TAF5: variants seen among roughly 807,000 people sequenced by gnomAD.
TAF5 encodes the protein transcription initiation factor TFIID subunit 5.
TAF5 carries 20 observed loss-of-function variants against 80.9 expected under a neutral mutation model. The observed-to-expected ratio is 0.25, with a 90% CI of 0.17 to 0.36. TAF5 has a LOEUF of 0.36. Among genes scored for constraint, TAF5 ranks in the 10% least tolerant of loss-of-function variants. The probability of loss-of-function intolerance (pLI) is 1.00; values close to 1 mark genes in which losing one functional copy is unlikely to be tolerated. For synonymous variants in TAF5, 388 were observed against 406.4 expected, an observed-to-expected ratio of 0.95 and a Z score of 0.55; for missense variants, 863 against 1,029.4, an observed-to-expected ratio of 0.84 and a Z score of 2.21.
Position 103,385,344 on chromosome 10 carries a change from T to C in TAF5, c.1683T>C (p.Ser561=). The C allele has an allele frequency of 1.9e-6, 3 of 1,611,148 alleles. No individual in the cohort carries two copies. Among genetic ancestry groups the C allele is most frequent in the Non-Finnish European group, 2.5e-6 (3 of 1,177,588 alleles). ...FSPDRNYLLS[S]SEDGTVRLWS... is the part of the protein sequence containing the mutation. ...CTCTCAGGAACTATCTGCTTTCCTC[T>C]TCAGAGGACGGAACTGTTAGATTGT... The change falls in exon 8 of 11, where the codon TCT becomes TCC. Residue 561 remains serine, a synonymous_variant. Transcript: ENST00000369839.
chr10:103,387,792 C>T (rs2093400812), intron 10 of TAF5, 94 bp downstream of exon 10: 3 of 1,329,860 alleles, frequency 2.3e-6, no homozygotes, highest in African/African-American at 1.5e-5. Flanking sequence ...TTAGGTTTTA[C>T]TTCCCTTTAG....
chr10:103,372,417 C>T (rs1221603573), intron 1 of TAF5, among the ~76,000 whole-genome samples: 1 of 151,236 alleles, frequency 6.6e-6, no homozygotes, highest in Non-Finnish European at 1.5e-5. Flanking sequence ...TCACTGCATC[C>T]TCCACCTCCC....
Position 103,387,570 on chromosome 10 carries a change from C to G in TAF5, c.2057C>G (p.Thr686Arg). The change falls in exon 10 of 11, where the codon ACA becomes AGA. Residue 686 changes from threonine (T) to arginine (R), a missense_variant. By Grantham distance (71) the Thr-to-Arg change is moderately conservative. Coordinates refer to ENST00000369839, the MANE Select transcript of TAF5 (RefSeq NM_006951.5). ...TCTCCCAATGGGAGATTCCTGGCTA[C>G]AGGAGCAACAGATGGCAGAGTGCTT... ...TFSPNGRFLATGATDGRVLLW... is the reference protein window; with the variant it reads ...TFSPNGRFLARGATDGRVLLW... 6.2e-7 allele frequency: 1 copy of G among 1,614,082 alleles called. No homozygotes were observed. The highest frequency in any genetic ancestry group is 8.5e-7 in the Non-Finnish European group (1 of 1,180,016).
chr10:103,388,308 C>A lies in TAF5; in HGVS notation c.*85C>A. On this transcript the variant is annotated 3_prime_UTR_variant, in exon 11 of 11. Transcript: ENST00000369839. ...AATACCTCAGTGATTAATATTTAAG[C>A]TACAGAGAATGTTTTTGTCTATATG... The A allele has an allele frequency of 8.4e-7, 1 of 1,193,462 alleles. No homozygotes were observed. Among genetic ancestry groups the A allele is most frequent in the Non-Finnish European group, 1.2e-6 (1 of 846,568 alleles). 73.9% of individuals were successfully genotyped at this position (1,193,462 alleles called of 1,614,324 possible). A position where few individuals can be genotyped will look rare whatever the true frequency, so the allele number is the denominator to read the frequency against.
At chr10:103,368,601 G>C in intron 1 of TAF5, 53 bp downstream of exon 1, 1 of 1,443,778 alleles carries the variant, frequency 6.9e-7, no homozygotes, top group Non-Finnish European at 9.0e-7. Context: ...GAGCAAGCCG[G>C]TAAGGCAGGG....
Position 103,387,191 on chromosome 10 carries a change from C to A in TAF5, c.1846C>A (p.His616Asn), listed in dbSNP as rs1011555928. 1.9e-6 allele frequency: 3 copies of A among 1,613,394 alleles called. No homozygotes were observed. The highest frequency in any genetic ancestry group is 2.7e-5 in the African/African-American group (2 of 74,966). The change falls in exon 9 of 11, where the codon CAC becomes AAC. Residue 616 changes from histidine (H) to asparagine (N), a missense_variant. Transcript: ENST00000369839. ...DRVARLWATD[H>N]YQPLRIFAGH... ...TTATAAAAGGCTCTGGGCTACAGACCACTATCAGCCTTTAAGAATATTTGC... is the reference window on the plus strand; with the variant it reads ...TTATAAAAGGCTCTGGGCTACAGACAACTATCAGCCTTTAAGAATATTTGC...
chr10:103,387,889 T>C (rs1191076974), intron 10 of TAF5, 117 bp from the exon 11 acceptor site: 19 of 1,140,668 alleles, frequency 1.7e-5, no homozygotes, highest in Non-Finnish European at 2.3e-5. Flanking sequence ...AATAGAGTTA[T>C]TGGTCAAGTT....
chr10:103,387,270 T>C lies in TAF5; in HGVS notation c.1925T>C (p.Val642Ala). Residue 642 changes from valine to alanine, a missense_variant, in exon 9 of 11, where the codon GTT (valine) becomes GCT (alanine). Transcript: ENST00000369839. ...AGATTCCATCCAAATTCTAATTATG[T>C]TGCTACGGGCTCTGCAGACAGAACT... ...CTRFHPNSNY[V>A]ATGSADRTVR... The C allele has an allele frequency of 6.2e-7, 1 of 1,614,216 alleles. No individual in the cohort carries two copies. Among genetic ancestry groups the C allele is most frequent in the South Asian group, 1.1e-5 (1 of 91,084 alleles).
Position 103,368,395 on chromosome 10 carries a change from G to A in TAF5, c.406G>A (p.Val136Met), listed in dbSNP as rs2093350503. The change falls in exon 1 of 11, where the codon GTG becomes ATG. Residue 136 changes from valine (V) to methionine (M), a missense_variant. Coordinates refer to ENST00000369839, the MANE Select transcript of TAF5 (RefSeq NM_006951.5). ...GGCGGGCTCCGGAGCCCCGGGAGAG[G>A]TGGACAGCGCCGGCGCTGAGGTGAC... ...AVAGSGAPGEVDSAGAEVTSA... is the reference protein window; with the variant it reads ...AVAGSGAPGEMDSAGAEVTSA... 1 of 1,565,040 alleles carries A rather than the reference G, an allele frequency of 6.4e-7. No individual in the cohort carries two copies. Among genetic ancestry groups the A allele is most frequent in the Non-Finnish European group, 8.6e-7 (1 of 1,164,740 alleles).
At position 103,388,432 on chromosome 10, in the gene TAF5, T is replaced by G; in HGVS notation, c.*209T>G. On this transcript the variant is annotated 3_prime_UTR_variant, in exon 11 of 11. Coordinates refer to ENST00000369839, the MANE Select transcript of TAF5 (RefSeq NM_006951.5). ...ATTTCCGTTAGTTGAATAAGAGGTA[T>G]TATGATCATGGAGGGGACATTTATG... The G allele has an allele frequency of 4.1e-6, 2 of 491,014 alleles. No individual in the cohort carries two copies. Among genetic ancestry groups the G allele is most frequent in the Non-Finnish European group, 7.3e-6 (2 of 275,726 alleles). 30.4% of individuals were successfully genotyped at this position (491,014 alleles called of 1,614,324 possible).
rs761160301 is a variant in TAF5 at position 103,368,484 on chromosome 10, C to T, written c.495C>T (p.Gly165=). ...APGPAAPDPP[G]TGASGATVVS... is the part of the protein sequence containing the mutation. ...GCCCTGCGGCCCCCGACCCTCCGGG[C>T]ACTGGCGCTTCGGGGGCCACGGTCG... The change falls in exon 1 of 11, where the codon GGC becomes GGT. Residue 165 remains glycine, a synonymous_variant. Transcript: ENST00000369839. 11 of 1,577,352 alleles carry T rather than the reference C, an allele frequency of 7.0e-6. No individual in the cohort carries two copies. The South Asian group carries it at 9.0e-5, about 13-fold the overall frequency.
intron 1 of TAF5, 21 bp from the exon 2 acceptor site, chr10:103,373,337 A>C: frequency 1.2e-6 from 2 of 1,606,862 alleles, no homozygotes; most frequent in Non-Finnish European, 1.7e-6. Flanking sequence ...TTTTCTTAAA[A>C]GTTTTTTGTT....
At position 103,378,499 on chromosome 10, in the gene TAF5, G is replaced by C. The variant is rs1228582499; in HGVS notation, c.1062G>C (p.Ala354=). 6.2e-7 allele frequency: 1 copy of C among 1,614,008 alleles called. No homozygotes were observed. Among genetic ancestry groups the C allele is most frequent in the African/African-American group, 1.3e-5 (1 of 74,928 alleles). Residue 354 remains alanine, a synonymous_variant, in exon 3 of 11, where the codon GCG becomes GCC. Transcript: ENST00000369839. This position sits in a 1 kb window ranked among gnomAD's most constrained non-coding sequence, Gnocchi z 4.1. ...CGCGTAGTAAGCAACAGATAGATGC[G>C]ATGGTGGGAAGTTTGGCAGGAGAGG... ...GMPRSKQQID[A]MVGSLAGEAK... is the part of the protein sequence containing the mutation.
chr10:103,388,497 A>C lies in TAF5; in HGVS notation c.*274A>C. On this transcript the variant is annotated 3_prime_UTR_variant, in exon 11 of 11. Coordinates refer to ENST00000369839, the MANE Select transcript of TAF5 (RefSeq NM_006951.5). ...GTGGAAACTATGCATTTTCTGTTCA[A>C]ATGCTATTTTAATTTATTACATTTA... 4.0e-6 allele frequency: 1 copy of C among 250,116 alleles called. No individual in the cohort carries two copies. Among genetic ancestry groups the C allele is most frequent in the Non-Finnish European group, 7.6e-6 (1 of 131,178 alleles). 15.5% of individuals were successfully genotyped at this position (250,116 alleles called of 1,614,324 possible). A position where few individuals can be genotyped will look rare whatever the true frequency, so the allele number is the denominator to read the frequency against.
chr10:103,378,536 GCAAA>G lies in TAF5; in HGVS notation c.1104_1107del (p.Lys369GlnfsTer8). The G allele has an allele frequency of 6.2e-7, 1 of 1,612,840 alleles. No homozygotes were observed. Among genetic ancestry groups the G allele is most frequent in the Non-Finnish European group, 8.5e-7 (1 of 1,179,220 alleles). ...TTTGGCAGGAGAGGCTAAACGAGAG[GCAAA>G]CAAATCAAAGGTATGGGAATGAACC... On this transcript the variant is annotated frameshift_variant, in exon 3 of 11. Transcript: ENST00000369839. LOFTEE classifies it high-confidence loss of function. The surrounding 1 kb of genome is among the most constrained non-coding windows in gnomAD (Gnocchi z 4.1).
chr10:103,377,634 A>C (rs1006975401), intron 2 of TAF5, among the ~76,000 whole-genome samples: 4 of 152,216 alleles, frequency 2.6e-5, no homozygotes, highest in African/African-American at 7.2e-5. Flanking sequence ...CCAAACAATG[A>C]GTACTTCCAC....
chr10:103,372,629 C>T (rs1359057617), intron 1 of TAF5, among the ~76,000 whole-genome samples: 2 of 150,260 alleles, frequency 1.3e-5, no homozygotes, highest in African/African-American at 2.4e-5. Flanking sequence ...CCACCGCACC[C>T]GGCGGCTCAT....
chr10:103,372,028 C>T (rs2093360633), intron 1 of TAF5, among the ~76,000 whole-genome samples: 1 of 151,504 alleles, frequency 6.6e-6, no homozygotes, highest in Non-Finnish European at 1.5e-5. Context: ...CCTCTGCCTC[C>T]TGGGTTCAAG....
At chr10:103,373,650 C>A in intron 2 of TAF5, 55 bp downstream of exon 2, 2 of 1,241,638 alleles carry the variant, frequency 1.6e-6, no homozygotes, top group Non-Finnish European at 2.3e-6. Flanking sequence ...TGTGTGTGTG[C>A]GTGCATATGT....
Sources: gnomAD v4.1 joint callset for allele counts (sites outside exome capture counted in the v4.1 genomes callset) on GRCh38, gnomAD v4.1.1 for gene constraint, Gnocchi (gnomAD v3.1) non-coding constraint, MANE v1.5 for transcripts, NCBI Gene and HGNC (gene_info 2026-07-23, HGNC 2026-07-21) for gene names.